Variants in VWA3B observed in about 807,000 individuals in gnomAD.
VWA3B encodes the protein von Willebrand factor A domain containing 3B.
In VWA3B, 138 loss-of-function variants were observed where a neutral mutation model predicts 158.3. That is an observed-to-expected ratio of 0.87 (90% confidence interval 0.76 to 1.00). The LOEUF is 1.00. VWA3B is among the 50% of genes least tolerant of loss of function. VWA3B has a pLI of 0.00. For missense variants in VWA3B, 1,555 were observed against 1,565.1 expected, an observed-to-expected ratio of 0.99 and a Z score of 0.11; for synonymous variants, 596 against 587.3, an observed-to-expected ratio of 1.01 and a Z score of -0.21.
intron 24 of VWA3B, 117 bp downstream of exon 24, chr2:98,298,148 A>T: frequency 1.6e-6 from 2 of 1,290,204 alleles, no homozygotes; most frequent in Non-Finnish European, 2.0e-6. Flanking sequence ...TCCTGCAGGG[A>T]GGGTGTGTTT....
chr2:98,250,175 C>T lies in VWA3B; in HGVS notation c.2674-143C>T, dbSNP rs1031066146. On this transcript the variant is annotated intron_variant, in intron 19 of 27. Coordinates refer to ENST00000477737, the MANE Select transcript of VWA3B (RefSeq NM_144992.5). ...ATATCTCTTTTTTCTCTGTGATTTACTGTGTTTTCTAATGTTCTACATTTA... is the reference window on the plus strand; with the variant it reads ...ATATCTCTTTTTTCTCTGTGATTTATTGTGTTTTCTAATGTTCTACATTTA... The T allele has an allele frequency of 1.2e-4, 68 of 576,746 alleles. 1 individual carries two copies. The highest frequency in any genetic ancestry group is 3.6e-5 in the Non-Finnish European group (12 of 336,812). The allele number at this position is 576,746 out of a possible 1,614,324, so 35.7% of individuals were successfully genotyped here. A position where few individuals can be genotyped will look rare whatever the true frequency, so the allele number is the denominator to read the frequency against.
chr2:98,211,886 T>G (rs774557651), intron 12 of VWA3B, 44 bp from the exon 13 acceptor site: 18 of 1,536,292 alleles, frequency 1.2e-5, no homozygotes, highest in Non-Finnish European at 1.6e-5. Context: ...TGTGAATTCT[T>G]TTTTGGGATT....
At chr2:98,325,506 G>A in the VWA3B span, among the ~76,000 whole-genome samples, 2 of 152,174 alleles carry the variant, frequency 1.3e-5, no homozygotes, top group Non-Finnish European at 2.9e-5. Context: ...ATCATCAGAA[G>A]AATTGCACTG....
At chr2:98,218,942 G>C (rs1684256626) in intron 14 of VWA3B, among the ~76,000 whole-genome samples, 2 of 152,194 alleles carry the variant, frequency 1.3e-5, no homozygotes, top group Admixed American at 1.3e-4. Context: ...GGAGGGTCTT[G>C]CCTCGGTAGT....
At chr2:98,318,713 C>T in the VWA3B span, among the ~76,000 whole-genome samples, 1 of 152,112 alleles carries the variant, frequency 6.6e-6, no homozygotes, top group Non-Finnish European at 1.5e-5. Context: ...CACATGTACC[C>T]CTGAACTTAA....
At chr2:98,129,383 G>A (rs367550950) in intron 6 of VWA3B, among the ~76,000 whole-genome samples, 2 of 151,712 alleles carry the variant, frequency 1.3e-5, no homozygotes, top group African/African-American at 4.8e-5. Context: ...AGAGAGTGAG[G>A]GCGCACTCAC....
chr2:98,117,676 A>G (rs1210955187), intron 3 of VWA3B, among the ~76,000 whole-genome samples: 1 of 152,010 alleles, frequency 6.6e-6, no homozygotes, highest in East Asian at 1.9e-4. Context: ...AGAAACCTCC[A>G]TGATGGGGGT....
intron 17 of VWA3B, among the ~76,000 whole-genome samples, chr2:98,235,160 G>C (rs918786273): frequency 3.9e-5 from 6 of 152,144 alleles, no homozygotes; most frequent in African/African-American, 1.4e-4. Context: ...TGAGGAAAAT[G>C]TGATTTTCCC....
At chr2:98,305,086 T>C (rs566334201) in intron 26 of VWA3B, among the ~76,000 whole-genome samples, 1 of 151,476 alleles carries the variant, frequency 6.6e-6, no homozygotes, top group African/African-American at 2.4e-5. Context: ...TGCTCCAGAG[T>C]CGCTTTGGAC....
At chr2:98,166,413 AG>A (rs1259877813) in intron 8 of VWA3B, among the ~76,000 whole-genome samples, 1 of 152,182 alleles carries the variant, frequency 6.6e-6, no homozygotes, top group Admixed American at 6.5e-5. Flanking sequence ...CTAATCTGAT[AG>A]GATTGGTGTC....
At chr2:98,193,651 A>G (rs1681781848) in intron 11 of VWA3B, among the ~76,000 whole-genome samples, 1 of 150,110 alleles carries the variant, frequency 6.7e-6, no homozygotes, top group Non-Finnish European at 1.5e-5. Context: ...TCTGGAGTGC[A>G]GTGGTGCCAA....
chr2:98,268,322 C>T (rs1049065362), intron 21 of VWA3B, among the ~76,000 whole-genome samples: 4 of 152,158 alleles, frequency 2.6e-5, no homozygotes, highest in Non-Finnish European at 4.4e-5. Context: ...TCCAGCAGCA[C>T]ATCAAAAAGC....
the VWA3B span, among the ~76,000 whole-genome samples, chr2:98,325,565 A>G: frequency 6.6e-6 from 1 of 152,220 alleles, no homozygotes. Flanking sequence ...TTGATAGAAA[A>G]CAGAAAATCG....
chr2:98,202,885 TGCAGTG>T (rs1427958763), intron 12 of VWA3B, among the ~76,000 whole-genome samples: 1 of 152,190 alleles, frequency 6.6e-6, no homozygotes, highest in Non-Finnish European at 1.5e-5. Context: ...CAGGCTGGAC[TGCAGTG>T]GCATGATCTC....
chr2:98,151,035 G>A (rs1677580410), intron 7 of VWA3B, among the ~76,000 whole-genome samples: 1 of 152,092 alleles, frequency 6.6e-6, no homozygotes, highest in Non-Finnish European at 1.5e-5. Context: ...GTGGAAATAT[G>A]TCAGCCATTA....
At chr2:98,137,010 A>G (rs1337663309) in intron 7 of VWA3B, among the ~76,000 whole-genome samples, 2 of 152,184 alleles carry the variant, frequency 1.3e-5, no homozygotes, top group Admixed American at 6.5e-5. Context: ...ATAATAGTCC[A>G]TTATATGGAT....
At chr2:98,264,623 G>A (rs1391780526) in intron 21 of VWA3B, among the ~76,000 whole-genome samples, 1 of 151,730 alleles carries the variant, frequency 6.6e-6, no homozygotes, top group Non-Finnish European at 1.5e-5. Flanking sequence ...TTGTTTTGTG[G>A]CCTAACATTC....
rs781524765 is a variant in VWA3B, at chr2:98,181,143, T to C, written c.1242T>C (p.Ser414=). Residue 414 remains serine, a synonymous_variant, in exon 9 of 28, where the codon TCT becomes TCC. Coordinates refer to ENST00000477737, the MANE Select transcript of VWA3B (RefSeq NM_144992.5). ...LSLYDVLADC[S]FRHADGVVDI... ...TGTATGATGTGCTTGCCGACTGCTC[T>C]TTCCGCCACGCTGATGGGGTTGTGG... 9.9e-6 allele frequency: 16 copies of C among 1,614,224 alleles called. No individual in the cohort carries two copies. The highest frequency in any genetic ancestry group is 1.3e-5 in the African/African-American group (1 of 75,054).
chr2:98,134,626 G>A (rs76345160), intron 7 of VWA3B, among the ~76,000 whole-genome samples: 4 of 152,062 alleles, frequency 2.6e-5, no homozygotes, highest in East Asian at 3.9e-4. Context: ...GCCCCTGTTC[G>A]ATTGTTGGAT....
Sources: gnomAD v4.1 joint callset for allele counts (sites outside exome capture counted in the v4.1 genomes callset) on GRCh38, gnomAD v4.1.1 for gene constraint, MANE v1.5 for transcripts, NCBI Gene and HGNC (gene_info 2026-07-23, HGNC 2026-07-21) for gene names.